The following PGAP4 variants were observed in gnomAD, a reference collection of about 807,000 sequenced individuals.
PGAP4 encodes post-GPI attachment to proteins GalNAc transferase 4.
Under a neutral mutation model 28.2 loss-of-function variants are expected in PGAP4, and 12 were observed. That is an observed-to-expected ratio of 0.42 (90% CI 0.27 to 0.69). The LOEUF (loss-of-function observed/expected upper bound fraction) is 0.69. Ranked by LOEUF, PGAP4 falls within the 30% of genes least tolerant of loss-of-function variation. The probability of loss-of-function intolerance (pLI) is 0.22; values close to 1 mark genes in which losing one functional copy is unlikely to be tolerated. For missense variants in PGAP4, 425 were observed against 513.5 expected (o/e 0.83, Z 1.67); for synonymous variants, 205 against 211.8 (o/e 0.97, Z 0.28).
At chr9:101,479,480 G>T (rs1007877384) in intron 1 of PGAP4, among the ~76,000 whole-genome samples, 3 of 152,184 alleles carry the variant, frequency 2.0e-5, no homozygotes, top group Non-Finnish European at 4.4e-5. Context: ...GATATGTCAG[G>T]GGGGAAAGAA....
Position 101,476,708 on chromosome 9 carries a change from G to T in PGAP4, c.385C>A (p.Leu129Ile), listed in dbSNP as rs755248710. The T allele has an allele frequency of 1.9e-6, 3 of 1,613,888 alleles. No homozygotes were observed. The African/African-American group carries it at 4.0e-5, about 22-fold the overall frequency. ...TCGCACTGGGGGCCACATTGCTGAA[G>T]AAGCCGGTGGAACTGGGACACAACC... ...LQVVSQFHRLLQQCGPQCEGH... is the reference protein window; with the variant it reads ...LQVVSQFHRLIQQCGPQCEGH... The change falls in exon 2 of 2, where the codon CTT becomes ATT. Residue 129 changes from leucine to isoleucine, a missense_variant. Coordinates refer to ENST00000374848, the MANE Select transcript of PGAP4 (RefSeq NM_032342.3). This position sits in a 1 kb window ranked among gnomAD's most constrained non-coding sequence, Gnocchi z 7.0.
At chr9:101,509,639 G>T (rs1440277480) in intron 2 of PGAP4, among the ~76,000 whole-genome samples, 2 of 152,172 alleles carry the variant, frequency 1.3e-5, no homozygotes, top group African/African-American at 2.4e-5. Context: ...TTAAGGGCAT[G>T]TACTTTGATG....
upstream of PGAP4, chr9:101,489,031 A>T (rs1468102812): frequency 6.6e-6 from 1 of 152,208 alleles, no homozygotes; most frequent in Non-Finnish European, 1.5e-5. Context: ...AGTACTTTCT[A>T]TGGCTGTTAC....
chr9:101,492,325 C>G (rs1289080813), intron 2 of PGAP4, among the ~76,000 whole-genome samples: 1 of 151,988 alleles, frequency 6.6e-6, no homozygotes, highest in Non-Finnish European at 1.5e-5. Context: ...TCCTGAGTAG[C>G]TGGGACTAAG....
chr9:101,516,936 G>C (rs1363153976), intron 2 of PGAP4, among the ~76,000 whole-genome samples: 2 of 152,162 alleles, frequency 1.3e-5, no homozygotes, highest in Admixed American at 1.3e-4. Context: ...AACAGACTTT[G>C]AAAGAGTGGT....
chr9:101,527,259 C>G (rs538346615), intron 2 of PGAP4, among the ~76,000 whole-genome samples: 7 of 152,266 alleles, frequency 4.6e-5, no homozygotes, highest in Admixed American at 6.5e-5. Context: ...ATGTAATCAG[C>G]CTTTTTCTTT....
intron 1 of PGAP4, among the ~76,000 whole-genome samples, chr9:101,478,088 T>C (rs1826378573): frequency 6.6e-6 from 1 of 152,240 alleles, no homozygotes; most frequent in African/African-American, 2.4e-5. Flanking sequence ...CCTCTCCATA[T>C]CTTATATTTC....
At chr9:101,479,665 G>A (rs934599784) in intron 1 of PGAP4, among the ~76,000 whole-genome samples, 4 of 152,190 alleles carry the variant, frequency 2.6e-5, no homozygotes, top group Admixed American at 6.5e-5. Flanking sequence ...GAGGACACAT[G>A]GTCCCTACCT....
Position 101,486,228 on chromosome 9 carries a change from G to A in PGAP4, c.-78+721C>T, listed in dbSNP as rs1027153498. On this transcript the variant is annotated intron_variant, in intron 1 of 1. Transcript: ENST00000374848. The surrounding 1 kb of genome is among the most constrained non-coding windows in gnomAD (Gnocchi z 4.7). ...AAAAAGAATGGGGGACGATGTCCAG[G>A]GCCCTGGATCTAGTGTCTGTCGCTG... Among the ~76,000 whole-genome samples, 1 of 152,160 alleles carries A rather than the reference G, an allele frequency of 6.6e-6. No individual in the cohort carries two copies. Among genetic ancestry groups the A allele is most frequent in the Admixed American group, 6.5e-5 (1 of 15,282 alleles).
At chr9:101,509,783 A>G (rs1826879479) in intron 2 of PGAP4, among the ~76,000 whole-genome samples, 1 of 152,108 alleles carries the variant, frequency 6.6e-6, no homozygotes, top group Non-Finnish European at 1.5e-5. Flanking sequence ...GCATTTCTCT[A>G]TGGATGACAC....
chr9:101,520,674 T>C, intron 2 of PGAP4, among the ~76,000 whole-genome samples: 1 of 152,190 alleles, frequency 6.6e-6, no homozygotes, highest in Admixed American at 6.6e-5. Context: ...CAGTGACAGT[T>C]TGACTTCCTC....
chr9:101,524,869 T>C (rs548785191), intron 2 of PGAP4, among the ~76,000 whole-genome samples: 1 of 152,320 alleles, frequency 6.6e-6, no homozygotes, highest in South Asian at 2.1e-4. Flanking sequence ...AGAGGGTCTG[T>C]GGGTCCTCTC....
intron 2 of PGAP4, among the ~76,000 whole-genome samples, chr9:101,496,924 G>A (rs1339854068): frequency 6.7e-6 from 1 of 150,200 alleles, no homozygotes; most frequent in Non-Finnish European, 1.5e-5. Context: ...AATAAAGAAT[G>A]TTTTTTCATA....
rs924942124 is a variant in PGAP4, at chr9:101,495,138, A to C, written c.-164-5938T>G. On this transcript the variant is annotated intron_variant, in intron 2 of 3. Coordinates refer to the PGAP4 transcript ENST00000374851. The stretch of plus-strand genomic sequence containing the variant: ...GTGCCTAATTATTTACTATTTCTAT[A>C]AGATTTTATATATATTATATATTTT... 2.5e-5 allele frequency among the ~76,000 whole-genome samples: 3 copies of C among 119,252 alleles called. 1 individual carries two copies. The highest frequency in any genetic ancestry group is 5.0e-5 in the Non-Finnish European group (3 of 59,958). 78.2% of individuals were successfully genotyped at this position (119,252 alleles called of 152,430 possible).
chr9:101,524,122 C>T (rs188707140), intron 2 of PGAP4, among the ~76,000 whole-genome samples: 3 of 151,686 alleles, frequency 2.0e-5, no homozygotes, highest in Admixed American at 6.6e-5. Context: ...GACACTAGCG[C>T]CTTTTCTGGT....
At chr9:101,501,904 C>A in intron 2 of PGAP4, 1 of 395,640 alleles carries the variant, frequency 2.5e-6, no homozygotes. Context: ...CAGAGGCCTC[C>A]GATTGGAAAG....
chr9:101,511,290 C>A (rs1826896328), intron 2 of PGAP4, among the ~76,000 whole-genome samples: 1 of 152,150 alleles, frequency 6.6e-6, no homozygotes, highest in South Asian at 2.1e-4. Flanking sequence ...CAGTTCCTAA[C>A]AGGCCAAGGA....
Position 101,476,514 on chromosome 9 carries a change from A to G in PGAP4, c.579T>C (p.Tyr193=). 1 of 1,614,188 alleles carries G rather than the reference A, an allele frequency of 6.2e-7. No individual in the cohort carries two copies. Among genetic ancestry groups the G allele is most frequent in the Non-Finnish European group, 8.5e-7 (1 of 1,180,036 alleles). The change falls in exon 2 of 2, where the codon TAT becomes TAC. Residue 193 remains tyrosine, a synonymous_variant. Coordinates refer to ENST00000374848, the MANE Select transcript of PGAP4 (RefSeq NM_032342.3). The surrounding 1 kb of genome is among the most constrained non-coding windows in gnomAD (Gnocchi z 7.0). ...AGGTCTGCAGGGATGACTCCAGGCA[A>G]TAGACATAGTCCTGCTTCTCTTTCT... ...SFEKEKQDYV[Y]CLESSLQTYN... is the part of the protein sequence containing the mutation.
At chr9:101,492,283 T>C (rs561691437) in intron 2 of PGAP4, among the ~76,000 whole-genome samples, 3 of 151,908 alleles carry the variant, frequency 2.0e-5, no homozygotes, top group African/African-American at 7.2e-5. Flanking sequence ...AACCTCTGCC[T>C]CCCGGGTTCA....
Sources: allele counts gnomAD v4.1 joint callset (sites outside exome capture counted in the v4.1 genomes callset), GRCh38; gene constraint gnomAD v4.1.1; non-coding constraint Gnocchi (gnomAD v3.1); transcripts MANE v1.5; gene names NCBI Gene and HGNC (gene_info 2026-07-23, HGNC 2026-07-21).